The following TEX11 variants were observed in gnomAD, a reference collection of about 807,000 sequenced individuals.
TEX11 encodes testis expressed 11.
In TEX11, 7 loss-of-function variants were observed where a neutral mutation model predicts 84.4. That is an observed-to-expected ratio of 0.08 (90% CI 0.05 to 0.16). The LOEUF (loss-of-function observed/expected upper bound fraction) is 0.16, where lower values mean the gene tolerates loss of function less well. Among genes scored for constraint, TEX11 ranks in the 10% least tolerant of loss-of-function variants. The probability of loss-of-function intolerance (pLI) is 1.00; values close to 1 mark genes in which losing one functional copy is unlikely to be tolerated. For missense variants in TEX11, 551 were observed against 660.5 expected (o/e 0.83, Z 1.82); for synonymous variants, 264 against 222.8 (o/e 1.18, Z -1.64).
At chrX:70,903,955 A>G (rs1353095935) in intron 2 of TEX11, among the ~76,000 whole-genome samples, 1 of 97,783 alleles carries the variant, frequency 1.0e-5, no homozygotes, top group Non-Finnish European at 2.0e-5. Context: ...TGAGACTACT[A>G]CAGGCATGCA....
intron 9 of TEX11, among the ~76,000 whole-genome samples, chrX:70,800,800 C>T (rs753279211): frequency 1.9e-5 from 2 of 106,943 alleles, no homozygotes; most frequent in South Asian, 4.3e-4. Flanking sequence ...TCAAGTGATC[C>T]TCCCACCTCA....
At chrX:70,732,240 G>A (rs1487887879) in intron 11 of TEX11, among the ~76,000 whole-genome samples, 1 of 111,538 alleles carries the variant, frequency 9.0e-6, no homozygotes, top group Admixed American at 9.6e-5. Context: ...TTGAAAACTG[G>A]CACAAGACAG....
At chrX:70,723,989 G>C in intron 12 of TEX11, 2 of 573,558 alleles carry the variant, frequency 3.5e-6, no homozygotes. Context: ...GACTGACATT[G>C]CAACTTCGGG....
intron 16 of TEX11, among the ~76,000 whole-genome samples, chrX:70,656,426 G>A (rs1457511838): frequency 2.7e-5 from 3 of 109,814 alleles, no homozygotes; most frequent in Admixed American, 9.8e-5. Context: ...AGGCCCTGTC[G>A]GTAGGTAGGT....
At chrX:70,585,505 A>G (rs762752606) in intron 25 of TEX11, among the ~76,000 whole-genome samples, 7 of 112,199 alleles carry the variant, frequency 6.2e-5, no homozygotes, top group Non-Finnish European at 1.1e-4. Context: ...GAAAAAGTCA[A>G]TTCTCAAATT....
intron 16 of TEX11, among the ~76,000 whole-genome samples, chrX:70,652,495 C>T (rs1055871431): frequency 8.1e-5 from 9 of 111,583 alleles, no homozygotes; most frequent in African/African-American, 2.9e-4. Context: ...TAAAGAAATA[C>T]AATGTATGTT....
chrX:70,571,302 A>G (rs2088594984), intron 25 of TEX11, among the ~76,000 whole-genome samples: 1 of 111,929 alleles, frequency 8.9e-6, no homozygotes, highest in Non-Finnish European at 1.9e-5. Context: ...TACAGGCATG[A>G]GCCACTGTGC....
chrX:70,605,574 A>G, intron 23 of TEX11, 57 bp from the exon 24 acceptor site: 3 of 809,140 alleles, frequency 3.7e-6, no homozygotes, highest in Non-Finnish European at 5.4e-6. Flanking sequence ...AGGTGAACAC[A>G]AACAATCAGA....
chrX:70,642,280 G>A (rs887477284), intron 17 of TEX11, among the ~76,000 whole-genome samples: 5 of 111,533 alleles, frequency 4.5e-5, no homozygotes, highest in African/African-American at 1.3e-4. Context: ...ATAATCAATA[G>A]CTTACCAACC....
chrX:70,535,810 T>A (rs781167638), intron 28 of TEX11, among the ~76,000 whole-genome samples: 1 of 109,578 alleles, frequency 9.1e-6, no homozygotes, highest in African/African-American at 3.3e-5. Flanking sequence ...TGTCACTTTA[T>A]TGCCCAGGCT....
the TEX11 span, among the ~76,000 whole-genome samples, chrX:70,521,902 A>T: frequency 9.1e-6 from 1 of 110,415 alleles, no homozygotes; most frequent in Non-Finnish European, 1.9e-5. Flanking sequence ...TTTGTCACCC[A>T]GGCTGGAGTG....
intron 2 of TEX11, among the ~76,000 whole-genome samples, chrX:70,883,259 G>A (rs1036510817): frequency 1.8e-5 from 2 of 111,736 alleles, no homozygotes; most frequent in Non-Finnish European, 3.8e-5. Flanking sequence ...ACAGGTGTGT[G>A]CCACTGCATC....
intron 25 of TEX11, among the ~76,000 whole-genome samples, chrX:70,583,620 G>T (rs977009798): frequency 2.7e-5 from 3 of 111,877 alleles, no homozygotes; most frequent in Admixed American, 9.5e-5. Context: ...CCTTTGGGTA[G>T]ATACCTAGTA....
intron 25 of TEX11, among the ~76,000 whole-genome samples, chrX:70,578,879 T>C (rs1159708703): frequency 9.7e-6 from 1 of 102,735 alleles, no homozygotes; most frequent in Non-Finnish European, 2.0e-5. Context: ...CGAGCAATTC[T>C]CCTGCCTCAG....
chrX:70,896,822 G>A (rs181721731), intron 2 of TEX11, among the ~76,000 whole-genome samples: 318 of 110,203 alleles, frequency 2.9e-3, no homozygotes, highest in African/African-American at 0.01. Flanking sequence ...TTAAGCATGA[G>A]AACACATGGA....
intron 16 of TEX11, among the ~76,000 whole-genome samples, chrX:70,653,952 C>T (rs773434255): frequency 8.9e-6 from 1 of 111,816 alleles, no homozygotes; most frequent in South Asian, 3.7e-4. Flanking sequence ...ACATACTGCA[C>T]GATTCCAATT....
At chrX:70,850,435 G>A (rs1180567607) in intron 7 of TEX11, among the ~76,000 whole-genome samples, 1 of 110,668 alleles carries the variant, frequency 9.0e-6, no homozygotes, top group Non-Finnish European at 1.9e-5. Context: ...GTTTGAGCTT[G>A]TGGACAATTA....
At chrX:70,899,845 TAAAAAAAAAAA>T (rs746225121) in intron 2 of TEX11, among the ~76,000 whole-genome samples, 3 of 30,600 alleles carry the variant, frequency 9.8e-5, no homozygotes, top group Admixed American at 5.2e-4. Context: ...GGTCCTGTAT[TAAAAAAAAAAA>T]AAAAAAAAAA....
At chrX:70,832,999 G>A (rs2091385238) in intron 8 of TEX11, among the ~76,000 whole-genome samples, 1 of 111,985 alleles carries the variant, frequency 8.9e-6, no homozygotes, top group Admixed American at 9.5e-5. Flanking sequence ...GCCAGGTGTG[G>A]TGGCTCACGC....
Sources: allele counts gnomAD v4.1 joint callset (sites outside exome capture counted in the v4.1 genomes callset), GRCh38; gene constraint gnomAD v4.1.1; transcripts MANE v1.5; gene names NCBI Gene and HGNC (gene_info 2026-07-23, HGNC 2026-07-21).